Variants in PRKCA observed in about 807,000 individuals in gnomAD.
PRKCA encodes the protein protein kinase C alpha.
In PRKCA, 27 loss-of-function variants were observed where a neutral mutation model predicts 87.0. That is an observed-to-expected ratio of 0.31 (90% confidence interval 0.23 to 0.43). The LOEUF is 0.43. PRKCA is among the 20% of genes least tolerant of loss of function. The probability of loss-of-function intolerance (pLI) is 1.00; values close to 1 mark genes in which losing one functional copy is unlikely to be tolerated. For missense variants in PRKCA, 518 were observed against 852.3 expected (o/e 0.61, Z 4.88); for synonymous variants, 329 against 311.1 (o/e 1.06, Z -0.61).
chr17:66,727,886 G>C (rs550998076), intron 8 of PRKCA, among the ~76,000 whole-genome samples: 43 of 152,220 alleles, frequency 2.8e-4, no homozygotes, highest in African/African-American at 1.0e-3. Context: ...GTCCTATATG[G>C]TTCCTCGTCC....
intron 2 of PRKCA, among the ~76,000 whole-genome samples, chr17:66,463,055 G>T (rs928707570): frequency 3.9e-5 from 6 of 152,106 alleles, no homozygotes; most frequent in African/African-American, 1.2e-4. Context: ...GGCTTACCCG[G>T]CCTGGAGCAG....
At chr17:66,487,481 T>C (rs555223918) in intron 2 of PRKCA, among the ~76,000 whole-genome samples, 1 of 109,958 alleles carries the variant, frequency 9.1e-6, no homozygotes, top group East Asian at 3.9e-4. Flanking sequence ...GCAGTGAATA[T>C]GGGATTACAG....
intron 13 of PRKCA, among the ~76,000 whole-genome samples, chr17:66,760,305 T>C (rs62072416): frequency 0.023 from 3,556 of 152,224 alleles, 59 homozygotes; most frequent in East Asian, 0.051. Context: ...TTCTAAATAG[T>C]GTGGGTCTAA....
intron 5 of PRKCA, among the ~76,000 whole-genome samples, chr17:66,667,833 A>G (rs1972079452): frequency 6.6e-6 from 1 of 152,244 alleles, no homozygotes; most frequent in Admixed American, 6.5e-5. Flanking sequence ...CTACTTAAGA[A>G]ATCGAGATAT....
intron 14 of PRKCA, chr17:66,777,496 C>T (rs1005863485): frequency 3.1e-6 from 3 of 976,836 alleles, no homozygotes; most frequent in Non-Finnish European, 3.6e-6. Context: ...AAAGGCAGTT[C>T]GTACACAGTC....
At chr17:66,638,800 A>G (rs1296552670) in intron 3 of PRKCA, among the ~76,000 whole-genome samples, 1 of 152,084 alleles carries the variant, frequency 6.6e-6, no homozygotes, top group Non-Finnish European at 1.5e-5. Flanking sequence ...GTGAGCAGAG[A>G]TCGTGCCACT....
chr17:66,510,168 A>G (rs916498675), intron 3 of PRKCA, among the ~76,000 whole-genome samples: 2 of 152,024 alleles, frequency 1.3e-5, no homozygotes, highest in African/African-American at 4.8e-5. Context: ...TCCCTTGGAC[A>G]CTCCTAGGAG....
chr17:66,443,590 G>A (rs2143886950), intron 2 of PRKCA, among the ~76,000 whole-genome samples: 1 of 152,246 alleles, frequency 6.6e-6, no homozygotes, highest in Middle Eastern at 3.4e-3. Context: ...GTGGCATGTT[G>A]GGCTCTATGA....
chr17:66,662,915 C>A (rs1567962742), intron 5 of PRKCA, among the ~76,000 whole-genome samples: 1 of 152,078 alleles, frequency 6.6e-6, no homozygotes, highest in Non-Finnish European at 1.5e-5. Flanking sequence ...CTGATAAGTA[C>A]ATTTCTCAGA....
intron 3 of PRKCA, among the ~76,000 whole-genome samples, chr17:66,567,577 G>C (rs574680786): frequency 2.5e-4 from 38 of 152,240 alleles, no homozygotes; most frequent in Admixed American, 2.4e-3. Flanking sequence ...TTAGTGTTTT[G>C]GTCTCAGTTT....
intron 2 of PRKCA, among the ~76,000 whole-genome samples, chr17:66,392,533 A>G (rs1228313145): frequency 1.6e-4 from 24 of 152,110 alleles, no homozygotes; most frequent in Admixed American, 1.6e-3. Flanking sequence ...AACCACACTT[A>G]TTATTTCCTT....
intron 3 of PRKCA, among the ~76,000 whole-genome samples, chr17:66,575,144 C>T (rs911870343): frequency 9.2e-5 from 14 of 152,168 alleles, no homozygotes; most frequent in Non-Finnish European, 8.8e-5. Flanking sequence ...TATCTATAAC[C>T]GATGGCTACG....
intron 3 of PRKCA, among the ~76,000 whole-genome samples, chr17:66,564,829 A>T (rs1295904617): frequency 6.6e-6 from 1 of 152,040 alleles, no homozygotes; most frequent in African/African-American, 2.4e-5. Context: ...AAAATACAAA[A>T]ATTAGCCGGA....
Position 66,774,002 on chromosome 17 carries a change from C to T in PRKCA, c.1540C>T (p.Pro514Ser). 7 of 1,613,898 alleles carry T rather than the reference C, an allele frequency of 4.3e-6. No individual in the cohort carries two copies. Among genetic ancestry groups the T allele is most frequent in the Non-Finnish European group, 5.9e-6 (7 of 1,179,908 alleles). The change falls in exon 14 of 17, where the codon CCG becomes TCG. Residue 514 changes from proline to serine, a missense_variant. Pro to Ser is a moderately conservative substitution (Grantham distance 74). Transcript: ENST00000413366. Reference sequence around the variant, plus strand: ...TTTCACACAGATAATCGCTTATCAGCCGTATGGAAAATCTGTGGACTGGTG... The same window carrying T: ...TTTCACACAGATAATCGCTTATCAGTCGTATGGAAAATCTGTGGACTGGTG... The part of the protein sequence containing the change: ...YIAPEIIAYQ[P>S]YGKSVDWWAY...
At chr17:66,313,164 C>G (rs1269248291) in intron 2 of PRKCA, among the ~76,000 whole-genome samples, 1 of 152,132 alleles carries the variant, frequency 6.6e-6, no homozygotes, top group Non-Finnish European at 1.5e-5. Flanking sequence ...GCCTGACACT[C>G]AGTAGATACT....
At position 66,496,129 on chromosome 17, in the gene PRKCA, C is replaced by A; in HGVS notation, c.206-72C>A. On this transcript the variant is annotated intron_variant, in intron 2 of 16. Coordinates refer to ENST00000413366, the MANE Select transcript of PRKCA (RefSeq NM_002737.3). ...TAAATTGACTTCTAACAGCAAGTATCTCTGTTTGGAAAATAAAGCTCGTAT... is the reference window on the plus strand; with the variant it reads ...TAAATTGACTTCTAACAGCAAGTATATCTGTTTGGAAAATAAAGCTCGTAT... 4 of 1,192,448 alleles carry A rather than the reference C, an allele frequency of 3.4e-6. No individual in the cohort carries two copies. In the South Asian group the frequency reaches 3.9e-5, roughly 12 times the overall value. 73.9% of individuals were successfully genotyped at this position (1,192,448 alleles called of 1,614,324 possible).
Position 66,805,155 on chromosome 17 carries a change from A to G in PRKCA, c.*1118A>G. On this transcript the variant is annotated 3_prime_UTR_variant, in exon 17 of 17. Coordinates refer to ENST00000413366, the MANE Select transcript of PRKCA (RefSeq NM_002737.3). The stretch of plus-strand genomic sequence containing the variant: ...TAAAAAGAATATGGTTTTGGTTCCC[A>G]TTTCTAGTTCACGTTGAATGACAGG... 1 of 979,138 alleles carries G rather than the reference A, an allele frequency of 1.0e-6. No individual in the cohort carries two copies. The highest frequency in any genetic ancestry group is 1.7e-5 in the African/African-American group (1 of 57,204). 60.7% of individuals were successfully genotyped at this position (979,138 alleles called of 1,614,324 possible).
intron 2 of PRKCA, among the ~76,000 whole-genome samples, chr17:66,352,276 C>G (rs1275840144): frequency 6.6e-6 from 1 of 152,150 alleles, no homozygotes; most frequent in Non-Finnish European, 1.5e-5. Flanking sequence ...TTATTTTCTG[C>G]TCTGCCTTTT....
intron 13 of PRKCA, among the ~76,000 whole-genome samples, chr17:66,751,726 C>G: frequency 6.6e-6 from 1 of 152,158 alleles, no homozygotes; most frequent in East Asian, 1.9e-4. Flanking sequence ...CTCCTATGCC[C>G]CTGCCACCCT....
Sources: gnomAD v4.1 joint callset for allele counts (sites outside exome capture counted in the v4.1 genomes callset) on GRCh38, gnomAD v4.1.1 for gene constraint, MANE v1.5 for transcripts, NCBI Gene and HGNC (gene_info 2026-07-23, HGNC 2026-07-21) for gene names.